EEF2: variants seen among roughly 807,000 people sequenced by gnomAD.
EEF2 encodes the protein elongation factor 2.
EEF2 carries 21 observed loss-of-function variants against 85.3 expected under a neutral mutation model. That is an observed-to-expected ratio of 0.25 (90% CI 0.17 to 0.35). The LOEUF is 0.35. EEF2 is among the 10% of genes least tolerant of loss of function. The pLI, the probability that EEF2 is intolerant of heterozygous loss-of-function variation, is 1.00. For synonymous variants in EEF2, 723 were observed against 508.8 expected (o/e 1.42, Z -5.67); for missense variants, 825 against 1,225.3 (o/e 0.67, Z 4.88).
chr19:3,984,401 C>T, intron 1 of EEF2, 51 bp from the exon 2 acceptor site: 3 of 1,586,260 alleles, frequency 1.9e-6, no homozygotes, highest in Non-Finnish European at 1.7e-6. Context: ...AGGAACACAG[C>T]ATGGCACGGA....
intron 2 of EEF2, 117 bp downstream of exon 2, chr19:3,984,019 T>A (rs2039789081): frequency 9.0e-7 from 1 of 1,109,092 alleles, no homozygotes; most frequent in Non-Finnish European, 1.3e-6. Flanking sequence ...TCCCATGAAT[T>A]AAGAAACCAG....
chr19:3,982,105 G>A, intron 5 of EEF2, 53 bp from the exon 6 acceptor site: 1 of 1,605,376 alleles, frequency 6.2e-7, no homozygotes, highest in Non-Finnish European at 8.5e-7. Context: ...GGGATGACTT[G>A]GGGAGGGTGG....
At chr19:3,983,413 A>G in intron 2 of EEF2, 122 bp from the exon 3 acceptor site, 2 of 1,061,644 alleles carry the variant, frequency 1.9e-6, no homozygotes, top group Non-Finnish European at 2.7e-6. Flanking sequence ...AGGCTCCCAC[A>G]AGAGCCAACC....
At chr19:3,983,081 G>A (rs2039776248) in intron 3 of EEF2, 29 bp downstream of exon 3, 2 of 1,612,060 alleles carry the variant, frequency 1.2e-6, no homozygotes, top group Non-Finnish European at 8.5e-7. Flanking sequence ...CCGGTTCCAG[G>A]CCGTGCCTCA....
intron 7 of EEF2, 75 bp from the exon 8 acceptor site, chr19:3,981,054 T>C: frequency 3.3e-6 from 5 of 1,504,628 alleles, no homozygotes; most frequent in Non-Finnish European, 4.4e-6. Flanking sequence ...GCTTCCTCTC[T>C]TGAAGCCAAG....
In EEF2 at chr19:3,977,474, G is replaced by C. The variant is rs1211372039; in HGVS notation, c.2204C>G (p.Thr735Ser). ...ARRCLYASVL[T>S]AQPRLMEPIY... ...GGGCTCCATGAGGCGTGGCTGGGCG[G>C]TCAGCACACTGGCATAGAGGCAGCG... Residue 735 changes from threonine to serine, a missense_variant, in exon 13 of 15, where the codon ACC (threonine) becomes AGC (serine). By Grantham distance (58) the Thr-to-Ser change is moderately conservative. Coordinates refer to ENST00000309311, the MANE Select transcript of EEF2 (RefSeq NM_001961.4). The surrounding 1 kb of genome is among the most constrained non-coding windows in gnomAD (Gnocchi z 5.4). 3 of 1,585,008 alleles carry C rather than the reference G, an allele frequency of 1.9e-6. No individual in the cohort carries two copies. Among genetic ancestry groups the C allele is most frequent in the Non-Finnish European group, 2.6e-6 (3 of 1,168,256 alleles).
At chr19:3,982,608 T>TC (rs1346101722) in intron 4 of EEF2, 184 bp from the exon 5 acceptor site, 1 of 1,042,062 alleles carries the variant, frequency 9.6e-7, no homozygotes, top group Non-Finnish European at 1.4e-6. Context: ...AGGGCAGCGT[T>TC]CCCTGAGCTC....
At position 3,984,127 on chromosome 19, in the gene EEF2, G is replaced by A. The variant is rs1385070487; in HGVS notation, c.218+9C>T. ...CCCTGCCTGGGTACAGAGGGCACAG[G>A]GAGCTCACGTTGACTTGATGGTGAT... On this transcript the variant is annotated intron_variant, in intron 2 of 14. Transcript: ENST00000309311. 7 of 1,613,246 alleles carry A rather than the reference G, an allele frequency of 4.3e-6. No homozygotes were observed. Among genetic ancestry groups the A allele is most frequent in the Admixed American group, 1.7e-5 (1 of 60,028 alleles).
Position 3,979,404 on chromosome 19 carries a change from G to A in EEF2, c.1638C>T (p.Ile546=), listed in dbSNP as rs763625412. The change falls in exon 11 of 15, where the codon ATC becomes ATT. Residue 546 remains isoleucine (I), a synonymous_variant. Transcript: ENST00000309311. ...CIIEESGEHI[I]AGAGELHLEI... ...CCAGGTGCAGCTCGCCGGCGCCCGC[G>A]ATGATATGCTCTCCCGACTCCTCGA... The A allele has an allele frequency of 6.8e-6, 11 of 1,613,820 alleles. No individual in the cohort carries two copies. The highest frequency in any genetic ancestry group is 1.3e-5 in the African/African-American group (1 of 74,916).
At chr19:3,978,475 T>C (rs1265448734) in intron 11 of EEF2, among the ~76,000 whole-genome samples, 1 of 152,124 alleles carries the variant, frequency 6.6e-6, no homozygotes, top group Non-Finnish European at 1.5e-5. Context: ...AGCATTTGTG[T>C]TGTTTGTGGA....
At chr19:3,981,543 G>A (rs962389480) in intron 6 of EEF2, 91 bp from the exon 7 acceptor site, 3 of 1,170,736 alleles carry the variant, frequency 2.6e-6, no homozygotes, top group South Asian at 2.5e-5. Flanking sequence ...TCAGGTCAGC[G>A]CAGGGGGACG....
chr19:3,982,487 C>A (rs1568201942), intron 4 of EEF2, 63 bp from the exon 5 acceptor site: 2 of 1,605,978 alleles, frequency 1.2e-6, no homozygotes, highest in Non-Finnish European at 8.5e-7. Context: ...AAGCTACGGG[C>A]TGGGCGCCTT....
chr19:3,979,592 A>G, intron 10 of EEF2, 156 bp from the exon 11 acceptor site: 1 of 919,024 alleles, frequency 1.1e-6, no homozygotes, highest in Non-Finnish European at 1.6e-6. Flanking sequence ...AGAAATGTTA[A>G]GTCCCACAAG....
intron 2 of EEF2, chr19:3,983,753 C>CG (rs2039784940): frequency 6.2e-6 from 2 of 320,756 alleles, no homozygotes; most frequent in Non-Finnish European, 1.2e-5. Flanking sequence ...CTACTCATAT[C>CG]GGGGCCAGAA....
At position 3,980,056 on chromosome 19, in the gene EEF2, T is replaced by C; in HGVS notation, c.1357A>G (p.Met453Val). 2 of 1,612,928 alleles carry C rather than the reference T, an allele frequency of 1.2e-6. No homozygotes were observed. Among genetic ancestry groups the C allele is most frequent in the African/African-American group, 1.3e-5 (1 of 75,068 alleles). Reference protein sequence around the residue: ...YLKPIQRTILMMGRYVEPIED... With the variant: ...YLKPIQRTILVMGRYVEPIED... Reference sequence around the variant, plus strand: ...ATGGGCTCCACGTAGCGGCCCATCATCAAGATTGTTCTGGAAGAAGCAGAA... The same window carrying C: ...ATGGGCTCCACGTAGCGGCCCATCACCAAGATTGTTCTGGAAGAAGCAGAA... Residue 453 changes from methionine (M) to valine (V), a missense_variant, in exon 10 of 15, where the codon ATG becomes GTG. Transcript: ENST00000309311.
intron 2 of EEF2, 154 bp downstream of exon 2, chr19:3,983,982 T>C (rs1405134855): frequency 3.8e-6 from 3 of 781,182 alleles, no homozygotes; most frequent in African/African-American, 1.7e-5. Flanking sequence ...CTCCATCCTG[T>C]CTCGCTGGAC....
At chr19:3,979,701 C>T in intron 10 of EEF2, 107 bp downstream of exon 10, 1 of 1,493,038 alleles carries the variant, frequency 6.7e-7, no homozygotes, top group Non-Finnish European at 9.0e-7. Context: ...CCTTTCATGA[C>T]CAGTCACCCC....
rs2145356356 is a variant in EEF2, at chr19:3,977,708, G to A, written c.2068-98C>T. The stretch of plus-strand genomic sequence containing the variant: ...GCAGGTCTCCACCAGGGGGACCTGG[G>A]GCCTTGCCCGCCTTGGCCCCATTAG... On this transcript the variant is annotated intron_variant, in intron 12 of 14. Transcript: ENST00000309311. This position sits in a 1 kb window ranked among gnomAD's most constrained non-coding sequence, Gnocchi z 5.4. 2 of 1,478,374 alleles carry A rather than the reference G, an allele frequency of 1.4e-6. No individual in the cohort carries two copies. Among genetic ancestry groups the A allele is most frequent in the Non-Finnish European group, 1.8e-6 (2 of 1,117,612 alleles). 91.6% of individuals were successfully genotyped at this position (1,478,374 alleles called of 1,614,324 possible). A position where few individuals can be genotyped will look rare whatever the true frequency, so the allele number is the denominator to read the frequency against.
rs774095261 is a variant in EEF2 at position 3,985,425 on chromosome 19, C to G, written c.-45G>C. ...TTCTCCCAGGTAGAACCGAAAGAAG[C>G]GAGTCGCGCCGAGGATGGCGGCGAC... On this transcript the variant is annotated 5_prime_UTR_variant, in exon 1 of 15. Transcript: ENST00000309311. 2.0e-5 allele frequency: 29 copies of G among 1,464,978 alleles called. No homozygotes were observed. The highest frequency in any genetic ancestry group is 5.5e-5 in the East Asian group (2 of 36,510). The allele number at this position is 1,464,978 out of a possible 1,614,324, so 90.7% of individuals were successfully genotyped here. A position where few individuals can be genotyped will look rare whatever the true frequency, so the allele number is the denominator to read the frequency against.
Sources: allele counts gnomAD v4.1 joint callset (sites outside exome capture counted in the v4.1 genomes callset), GRCh38; gene constraint gnomAD v4.1.1; non-coding constraint Gnocchi (gnomAD v3.1); transcripts MANE v1.5; gene names NCBI Gene and HGNC (gene_info 2026-07-23, HGNC 2026-07-21).